The following TDRD3 variants were observed in gnomAD, a reference collection of about 807,000 sequenced individuals.
The protein encoded by TDRD3 is tudor domain containing 3.
In TDRD3, 45 loss-of-function variants were observed where a neutral mutation model predicts 86.7. The observed-to-expected ratio is 0.52, with a 90% CI of 0.41 to 0.67. The LOEUF (loss-of-function observed/expected upper bound fraction) is 0.67, where lower values mean the gene tolerates loss of function less well. TDRD3 is among the 30% of genes least tolerant of loss of function. The pLI, the probability that TDRD3 is intolerant of heterozygous loss-of-function variation, is 0.00. For missense variants in TDRD3, 814 were observed against 889.0 expected (o/e 0.92, Z 1.07); for synonymous variants, 298 against 301.7 (o/e 0.99, Z 0.13).
In TDRD3 at chr13:60,445,807, T is replaced by C. The variant is rs1955384302; in HGVS notation, c.192+1059T>C. ...AGTGTCTGTACATCCTTACATTATT[T>C]TACTTAAAATTTTGAAGCTTTCTGA... On this transcript the variant is annotated intron_variant, in intron 3 of 13. Transcript: ENST00000377881. Among the ~76,000 whole-genome samples the C allele has an allele frequency of 2.0e-5, 3 of 152,280 alleles. No individual in the cohort carries two copies. In the South Asian group the frequency reaches 6.2e-4, roughly 32 times the overall value.
intron 9 of TDRD3, 28 bp downstream of exon 9, chr13:60,509,947 T>G: frequency 6.2e-7 from 1 of 1,602,118 alleles, no homozygotes; most frequent in Middle Eastern, 1.7e-4. Context: ...GTGTGCCAGA[T>G]AGTATTGTTT....
chr13:60,535,364 TA>T (rs1957677043), intron 12 of TDRD3, 131 bp downstream of exon 12: 10 of 988,096 alleles, frequency 1.0e-5, no homozygotes, highest in Non-Finnish European at 1.4e-5. Flanking sequence ...TGGCTACCCC[TA>T]AAGTAAGATT....
chr13:60,462,004 T>G (rs1432919058), intron 4 of TDRD3, among the ~76,000 whole-genome samples: 1 of 152,202 alleles, frequency 6.6e-6, no homozygotes, highest in Non-Finnish European at 1.5e-5. Context: ...TTCCCTTCTT[T>G]TTTCTTCTTT....
At chr13:60,493,446 C>T (rs1196154677) in intron 7 of TDRD3, among the ~76,000 whole-genome samples, 2 of 151,882 alleles carry the variant, frequency 1.3e-5, no homozygotes. Context: ...TAGATCATCT[C>T]AGGTCAGGAG....
chr13:60,396,116 GC>G (rs1053564450), upstream of TDRD3, among the ~76,000 whole-genome samples: 56 of 152,226 alleles, frequency 3.7e-4, no homozygotes, highest in African/African-American at 1.3e-3. Context: ...GAGCGCCTCT[GC>G]CCAGTTCCGC....
chr13:60,510,560 T>G, intron 9 of TDRD3, 70 bp from the exon 10 acceptor site: 1 of 1,318,380 alleles, frequency 7.6e-7, no homozygotes, highest in Non-Finnish European at 9.9e-7. Context: ...TATTGTTGGT[T>G]ATATATTAGT....
chr13:60,448,779 A>G (rs1273481195), intron 3 of TDRD3, among the ~76,000 whole-genome samples: 1 of 152,214 alleles, frequency 6.6e-6, no homozygotes, highest in Non-Finnish European at 1.5e-5. Context: ...AAGTCATGAT[A>G]AAAAGGAAGT....
At chr13:60,455,155 C>T (rs546860224) in intron 3 of TDRD3, among the ~76,000 whole-genome samples, 31 of 152,146 alleles carry the variant, frequency 2.0e-4, no homozygotes, top group Non-Finnish European at 3.5e-4. Context: ...TCAGGTGATC[C>T]GCCCACCTCA....
At chr13:60,514,765 C>T (rs9538729) in intron 10 of TDRD3, among the ~76,000 whole-genome samples, 20,854 of 152,014 alleles carry the variant, frequency 0.14, 1,506 homozygotes, top group East Asian at 0.2. Flanking sequence ...TAATTCTGTC[C>T]GAATGTGATA....
rs374198014 is a variant in TDRD3, at chr13:60,460,416, C to T, written c.229C>T (p.Arg77Cys). 9.2e-5 allele frequency: 148 copies of T among 1,601,156 alleles called. No homozygotes were observed. The highest frequency in any genetic ancestry group is 1.7e-4 in the Middle Eastern group (1 of 6,044). The part of the protein sequence containing the change: ...GPCVLQIQKI[R>C]NVAAPKDNEE... Reference sequence around the variant, plus strand: ...ATGTGTTTTGCAAATTCAAAAAATTCGCAATGTTGCTGCACCAAAGGATAA... The same window carrying T: ...ATGTGTTTTGCAAATTCAAAAAATTTGCAATGTTGCTGCACCAAAGGATAA... The change falls in exon 4 of 14, where the codon CGC becomes TGC. Residue 77 changes from arginine to cysteine, a missense_variant. Transcript: ENST00000377881.
chr13:60,496,335 A>G (rs1269993687), intron 8 of TDRD3, among the ~76,000 whole-genome samples: 3 of 74,368 alleles, frequency 4.0e-5, no homozygotes, highest in African/African-American at 5.9e-5. Flanking sequence ...ATATATATAT[A>G]TATATATATC....
chr13:60,546,557 A>G (rs540093395), intron 12 of TDRD3, among the ~76,000 whole-genome samples: 1 of 152,220 alleles, frequency 6.6e-6, no homozygotes, highest in African/African-American at 2.4e-5. Flanking sequence ...AAAATATTTA[A>G]AGTGGTCATG....
intron 10 of TDRD3, among the ~76,000 whole-genome samples, chr13:60,521,408 T>G (rs1187987215): frequency 6.6e-6 from 1 of 152,042 alleles, no homozygotes; most frequent in Non-Finnish European, 1.5e-5. Flanking sequence ...TGAGCAAGAC[T>G]CAGACCCTAC....
chr13:60,415,112 T>G (rs1214372682), intron 1 of TDRD3, among the ~76,000 whole-genome samples: 1 of 151,940 alleles, frequency 6.6e-6, no homozygotes, highest in African/African-American at 2.4e-5. Context: ...ATTGAACTTA[T>G]GAAAAAAAAA....
At chr13:60,447,734 T>C (rs898514638) in intron 3 of TDRD3, among the ~76,000 whole-genome samples, 1 of 152,192 alleles carries the variant, frequency 6.6e-6, no homozygotes, top group Non-Finnish European at 1.5e-5. Context: ...TGACTGTTTC[T>C]ACTAAGTTCC....
intron 1 of TDRD3, among the ~76,000 whole-genome samples, chr13:60,430,735 AT>A (rs941097072): frequency 3.3e-5 from 5 of 152,044 alleles, no homozygotes; most frequent in African/African-American, 1.2e-4. Context: ...AGCTGTTACA[AT>A]TTTTTTAATA....
In TDRD3 at chr13:60,428,320, G is replaced by A. The variant is rs1486009705; in HGVS notation, c.42-11368G>A. Among the ~76,000 whole-genome samples the A allele has an allele frequency of 9.9e-5, 15 of 151,496 alleles. No individual in the cohort carries two copies. In the Admixed American group the frequency reaches 9.9e-4, roughly 10 times the overall value. ...TAAAGTAACATTCACAGATTCCCAG[G>A]CATTAGGACATAAGCATATCTTTTT... On this transcript the variant is annotated intron_variant, in intron 1 of 13. Coordinates refer to ENST00000377881, the MANE Select transcript of TDRD3 (RefSeq NM_001146070.2).
At chr13:60,542,402 T>G (rs1210449343) in intron 12 of TDRD3, among the ~76,000 whole-genome samples, 1 of 152,212 alleles carries the variant, frequency 6.6e-6, no homozygotes, top group African/African-American at 2.4e-5. Context: ...TGTCAATATA[T>G]TTTAAAAATT....
At chr13:60,419,976 T>G (rs1010179098) in intron 1 of TDRD3, among the ~76,000 whole-genome samples, 1 of 151,992 alleles carries the variant, frequency 6.6e-6, no homozygotes, top group Non-Finnish European at 1.5e-5. Context: ...CAAAAAGAGA[T>G]GAAAAGGTAT....
Sources: gnomAD v4.1 joint callset for allele counts (sites outside exome capture counted in the v4.1 genomes callset) on GRCh38, gnomAD v4.1.1 for gene constraint, MANE v1.5 for transcripts, NCBI Gene and HGNC (gene_info 2026-07-23, HGNC 2026-07-21) for gene names.